Variants in CATSPERT observed in about 807,000 individuals in gnomAD.
CATSPERT encodes cation channel sperm-associated targeting subunit tau.
chr2:201,593,040 C>T, the CATSPERT span, among the ~76,000 whole-genome samples: 1 of 151,908 alleles, frequency 6.6e-6, no homozygotes, highest in African/African-American at 2.4e-5. Context: ...AATGTGTTTG[C>T]TCTTGCTTTT....
chr2:201,543,437 G>A, the CATSPERT span, among the ~76,000 whole-genome samples: 1 of 151,958 alleles, frequency 6.6e-6, no homozygotes, highest in East Asian at 1.9e-4. Flanking sequence ...GATTGCTTTG[G>A]GTAGTATGAA....
the CATSPERT span, among the ~76,000 whole-genome samples, chr2:201,537,153 A>C: frequency 2.0e-5 from 3 of 151,884 alleles, no homozygotes; most frequent in African/African-American, 7.2e-5. Context: ...TATGGCATTT[A>C]TTTCTAAGAT....
chr2:201,564,444 A>G, the CATSPERT span, among the ~76,000 whole-genome samples: 3 of 152,212 alleles, frequency 2.0e-5, no homozygotes, highest in Non-Finnish European at 2.9e-5. Flanking sequence ...AAAAAAACCA[A>G]TAATTTAAAT....
the CATSPERT span, among the ~76,000 whole-genome samples, chr2:201,590,752 T>A: frequency 0.45 from 67,694 of 151,936 alleles, 15,653 homozygotes; most frequent in Non-Finnish European, 0.51. Flanking sequence ...GAGAGCATTT[T>A]TTCAAGTGTT....
the CATSPERT span, among the ~76,000 whole-genome samples, chr2:201,519,805 G>C: frequency 6.6e-6 from 1 of 152,060 alleles, no homozygotes; most frequent in Admixed American, 6.5e-5. Flanking sequence ...AACACAGGCA[G>C]ACAAAAAACG....
chr2:201,610,644 A>G, the CATSPERT span, among the ~76,000 whole-genome samples: 1 of 152,178 alleles, frequency 6.6e-6, no homozygotes, highest in Non-Finnish European at 1.5e-5. Flanking sequence ...CAAAAACCAG[A>G]CAAGGATACA....
chr2:201,496,081 TTATCA>T, the CATSPERT span: 9 of 644,890 alleles, frequency 1.4e-5, no homozygotes, highest in Non-Finnish European at 2.3e-5. Flanking sequence ...CTAAATATTT[TTATCA>T]TAACAACTAT....
the CATSPERT span, chr2:201,556,019 A>C: frequency 1.3e-5 from 2 of 152,238 alleles, no homozygotes; most frequent in African/African-American, 4.8e-5. Context: ...ACTTAATGAC[A>C]AAATTATTCT....
chr2:201,614,124 G>A, the CATSPERT span, among the ~76,000 whole-genome samples: 335 of 152,276 alleles, frequency 2.2e-3, 4 homozygotes, highest in Non-Finnish European at 1.5e-3. Flanking sequence ...AATCAAGTTG[G>A]AAAACACTCT....
At chr2:201,581,521 T>A in the CATSPERT span, among the ~76,000 whole-genome samples, 1 of 74,522 alleles carries the variant, frequency 1.3e-5, no homozygotes, top group East Asian at 3.4e-4. Flanking sequence ...TATATATATA[T>A]ATAAAATATT....
the CATSPERT span, among the ~76,000 whole-genome samples, chr2:201,585,407 GAA>G: frequency 7.0e-4 from 86 of 122,880 alleles, no homozygotes; most frequent in Non-Finnish European, 8.3e-4. Context: ...TACAGAACAA[GAA>G]AAAAAAAAAA....
chr2:201,585,967 C>T, the CATSPERT span, among the ~76,000 whole-genome samples: 2 of 152,152 alleles, frequency 1.3e-5, no homozygotes, highest in Admixed American at 1.3e-4. Flanking sequence ...TCCACCTCTT[C>T]CTCCTCCGCC....
the CATSPERT span, among the ~76,000 whole-genome samples, chr2:201,614,716 C>A: frequency 6.6e-6 from 1 of 152,084 alleles, no homozygotes; most frequent in Non-Finnish European, 1.5e-5. Context: ...ACAATATTAA[C>A]CTTAAATGTA....
the CATSPERT span, chr2:201,603,297 C>G: frequency 6.2e-7 from 1 of 1,603,928 alleles, no homozygotes. Flanking sequence ...AAAACAAAAA[C>G]ACAGACAGTG....
the CATSPERT span, chr2:201,545,662 A>T: frequency 1.0e-3 from 935 of 898,052 alleles, 6 homozygotes; most frequent in African/African-American, 9.3e-3. Context: ...AAGAAAAAAA[A>T]ATATATATGG....
chr2:201,608,354 C>T, the CATSPERT span, among the ~76,000 whole-genome samples: 50 of 152,128 alleles, frequency 3.3e-4, no homozygotes, highest in African/African-American at 1.0e-3. Flanking sequence ...ACTCAGTCAC[C>T]ATGATAATAA....
the CATSPERT span, among the ~76,000 whole-genome samples, chr2:201,519,055 G>A: frequency 1.3e-5 from 2 of 152,140 alleles, no homozygotes; most frequent in Admixed American, 6.5e-5. Flanking sequence ...GTTGTTGTTA[G>A]GTCAGTTAAA....
chr2:201,494,563 T>C, the CATSPERT span: 3 of 1,537,014 alleles, frequency 2.0e-6, no homozygotes, highest in Admixed American at 5.9e-5. Flanking sequence ...ATTAGGGTCA[T>C]GGGCCCAGGT....
the CATSPERT span, chr2:201,604,749 A>G: frequency 1 from 1,300,331 of 1,306,224 alleles, 647,344 homozygotes; most frequent in East Asian, 1. Context: ...ACATAACTAG[A>G]TGAAACATCA....
Sources: gnomAD v4.1 joint callset for allele counts (sites outside exome capture counted in the v4.1 genomes callset) on GRCh38, gnomAD v4.1.1 for gene constraint, MANE v1.5 for transcripts, NCBI Gene and HGNC (gene_info 2026-07-23, HGNC 2026-07-21) for gene names.